SNX31: variants seen among roughly 807,000 people sequenced by gnomAD.
SNX31 encodes sorting nexin 31.
SNX31 carries 58 observed loss-of-function variants against 65.4 expected under a neutral mutation model. The ratio of observed to expected loss-of-function variants is 0.89; its 90% CI spans 0.72 to 1.10. The LOEUF (loss-of-function observed/expected upper bound fraction) is 1.10, where lower values mean the gene tolerates loss of function less well. Among genes scored for constraint, SNX31 ranks in the 50% least tolerant of loss-of-function variants. The pLI, the probability that SNX31 is intolerant of heterozygous loss-of-function variation, is 0.00. For missense variants in SNX31, 523 were observed against 529.7 expected, an observed-to-expected ratio of 0.99 and a Z score of 0.12; for synonymous variants, 181 against 190.1, an observed-to-expected ratio of 0.95 and a Z score of 0.39.
At chr8:100,579,572 A>G (rs1813321080) in intron 12 of SNX31, among the ~76,000 whole-genome samples, 1 of 152,176 alleles carries the variant, frequency 6.6e-6, no homozygotes, top group Admixed American at 6.5e-5. Context: ...CATTCCTCAG[A>G]TATCAGAGGC....
rs933870933 is a variant in SNX31, at chr8:100,613,374, C to T, written c.433-289G>A. On this transcript the variant is annotated intron_variant, in intron 5 of 13. Transcript: ENST00000311812. The surrounding 1 kb of genome is among the most constrained non-coding windows in gnomAD (Gnocchi z 5.2). ...CCCATCTCAGATGTGGACTCACTCC[C>T]GGATTGTCTTGGTCTTTATTTTCCC... 5.3e-5 allele frequency among the ~76,000 whole-genome samples: 8 copies of T among 152,180 alleles called. No homozygotes were observed. Among genetic ancestry groups the T allele is most frequent in the Non-Finnish European group, 8.8e-5 (6 of 68,030 alleles).
At chr8:100,617,955 G>A (rs1380451170) in intron 4 of SNX31, 17 of 432,050 alleles carry the variant, frequency 3.9e-5, no homozygotes, top group Non-Finnish European at 5.2e-5. Context: ...TAGTAGAGAC[G>A]GGGTTTTACT....
intron 3 of SNX31, among the ~76,000 whole-genome samples, chr8:100,633,593 C>T (rs567194831): frequency 5.3e-5 from 8 of 151,940 alleles, no homozygotes; most frequent in South Asian, 4.2e-4. Context: ...TTAGTAGAGA[C>T]GGGGTTTTGC....
rs1372002388 is a variant in SNX31 at position 100,612,804 on chromosome 8, C to T, written c.523+191G>A. On this transcript the variant is annotated intron_variant, in intron 6 of 13. Coordinates refer to ENST00000311812, the MANE Select transcript of SNX31 (RefSeq NM_152628.4). This position sits in a 1 kb window ranked among gnomAD's most constrained non-coding sequence, Gnocchi z 4.3. ...GTTACTGGACCACCCAAGGTATGAG[C>T]GGTTTGCCCCCACTCTCCCCTAACA... Among the ~76,000 whole-genome samples, 1 of 152,066 alleles carries T rather than the reference C, an allele frequency of 6.6e-6. No individual in the cohort carries two copies. The highest frequency in any genetic ancestry group is 1.9e-4 in the East Asian group (1 of 5,190).
rs1003520705 is a variant in SNX31, at chr8:100,575,203, C to T, written c.1228-1243G>A. 6.6e-6 allele frequency among the ~76,000 whole-genome samples: 1 copy of T among 152,172 alleles called. No homozygotes were observed. Among genetic ancestry groups the T allele is most frequent in the African/African-American group, 2.4e-5 (1 of 41,448 alleles). On this transcript the variant is annotated intron_variant, in intron 13 of 13. Coordinates refer to ENST00000311812, the MANE Select transcript of SNX31 (RefSeq NM_152628.4). This position sits in a 1 kb window ranked among gnomAD's most constrained non-coding sequence, Gnocchi z 5.1. ...TTATTTGTTAAACAACAAATAAAGA[C>T]TGCTTGGGTTCAAATACTGGCTCTG...
intron 4 of SNX31, among the ~76,000 whole-genome samples, chr8:100,620,627 A>G (rs1207138667): frequency 6.6e-6 from 1 of 152,220 alleles, no homozygotes; most frequent in Non-Finnish European, 1.5e-5. Context: ...CACATCATTT[A>G]TGGATAAAAT....
chr8:100,601,010 G>C (rs1815572880), intron 8 of SNX31, among the ~76,000 whole-genome samples: 1 of 152,100 alleles, frequency 6.6e-6, no homozygotes, highest in African/African-American at 2.4e-5. Context: ...CTATGTATTG[G>C]CAATTGACAA....
intron 3 of SNX31, among the ~76,000 whole-genome samples, chr8:100,632,707 G>A (rs1436068635): frequency 1.3e-5 from 2 of 151,924 alleles, no homozygotes; most frequent in East Asian, 3.9e-4. Flanking sequence ...AGGAGGTCGA[G>A]ACTGCAGTGA....
At position 100,584,197 on chromosome 8, in the gene SNX31, T is replaced by C. The variant is rs774871273; in HGVS notation, c.1093-9A>G. 6.3e-7 allele frequency: 1 copy of C among 1,590,722 alleles called. No individual in the cohort carries two copies. Among genetic ancestry groups the C allele is most frequent in the South Asian group, 1.1e-5 (1 of 87,184 alleles). On this transcript the variant is annotated splice_polypyrimidine_tract_variant and intron_variant, in intron 11 of 13. Coordinates refer to ENST00000311812, the MANE Select transcript of SNX31 (RefSeq NM_152628.4). ...CTACTCAGCAAAAAAGCCTAAGAAA[T>C]GCAGGAATAAAGAACTCTTGTAACC... is the stretch of plus-strand genomic sequence containing the variant.
chr8:100,628,668 C>A (rs1818213910), intron 4 of SNX31, among the ~76,000 whole-genome samples: 1 of 151,884 alleles, frequency 6.6e-6, no homozygotes, highest in Non-Finnish European at 1.5e-5. Flanking sequence ...TGCAGCACAC[C>A]AACATGGCAC....
At chr8:100,595,314 G>C (rs4734464) in intron 10 of SNX31, among the ~76,000 whole-genome samples, 2 of 125,574 alleles carry the variant, frequency 1.6e-5, no homozygotes, top group African/African-American at 7.7e-5. Context: ...GGAATTTGTT[G>C]TTTTTTTTTT....
At position 100,613,087 on chromosome 8, in the gene SNX31, T is replaced by A; in HGVS notation, c.433-2A>T. On this transcript the variant is annotated splice_acceptor_variant, in intron 5 of 13. Coordinates refer to ENST00000311812, the MANE Select transcript of SNX31 (RefSeq NM_152628.4). LOFTEE classifies it high-confidence loss of function. This position sits in a 1 kb window ranked among gnomAD's most constrained non-coding sequence, Gnocchi z 5.2. ...CAGTCCAATTTTGTGTGACACCACC[T>A]TTAACCAGAAACAAGCAGAAAGGGA... is the stretch of plus-strand genomic sequence containing the variant. The A allele has an allele frequency of 6.2e-7, 1 of 1,613,450 alleles. No homozygotes were observed. Among genetic ancestry groups the A allele is most frequent in the Non-Finnish European group, 8.5e-7 (1 of 1,179,462 alleles).
intron 10 of SNX31, among the ~76,000 whole-genome samples, chr8:100,592,992 T>C (rs779296396): frequency 6.6e-6 from 1 of 152,206 alleles, no homozygotes; most frequent in Admixed American, 6.5e-5. Context: ...ATCTATTCTA[T>C]AGAGACAGAA....
chr8:100,599,941 T>C (rs139274607), intron 9 of SNX31, among the ~76,000 whole-genome samples: 79 of 152,324 alleles, frequency 5.2e-4, no homozygotes, highest in African/African-American at 1.6e-3. Context: ...ACAGAGTATG[T>C]ATAAATTATA....
At chr8:100,591,687 T>G (rs1378965699) in intron 10 of SNX31, among the ~76,000 whole-genome samples, 1 of 151,674 alleles carries the variant, frequency 6.6e-6, no homozygotes, top group Non-Finnish European at 1.5e-5. Flanking sequence ...GAAAATCAGC[T>G]GGGCATAGGC....
intron 12 of SNX31, among the ~76,000 whole-genome samples, chr8:100,580,618 AAT>A (rs1380754346): frequency 6.6e-6 from 1 of 152,182 alleles, no homozygotes; most frequent in African/African-American, 2.4e-5. Context: ...TGCTGCCTAG[AAT>A]GTGGATGTAA....
At chr8:100,636,743 C>A (rs761384014) in intron 2 of SNX31, among the ~76,000 whole-genome samples, 2 of 151,430 alleles carry the variant, frequency 1.3e-5, no homozygotes, top group African/African-American at 2.4e-5. Context: ...TTTTTTGAGA[C>A]GGAGTTTCAC....
At chr8:100,652,163 A>G (rs947360098), upstream of SNX31, among the ~76,000 whole-genome samples, 4 of 152,054 alleles carry the variant, frequency 2.6e-5, no homozygotes, top group African/African-American at 9.7e-5. Context: ...TATTTTTAGT[A>G]GAGACGGGGT....
chr8:100,618,600 T>G (rs952101332), intron 4 of SNX31: 9 of 536,620 alleles, frequency 1.7e-5, no homozygotes, highest in African/African-American at 3.8e-5. Flanking sequence ...TACCCACATT[T>G]CTGCCCAGCT....
Sources: allele counts gnomAD v4.1 joint callset (sites outside exome capture counted in the v4.1 genomes callset), GRCh38; gene constraint gnomAD v4.1.1; non-coding constraint Gnocchi (gnomAD v3.1); transcripts MANE v1.5; gene names NCBI Gene and HGNC (gene_info 2026-07-23, HGNC 2026-07-21).